The following PTBP3 variants were observed in gnomAD, a reference collection of about 807,000 sequenced individuals.
PTBP3 encodes the protein polypyrimidine tract-binding protein 3.
In PTBP3, 20 loss-of-function variants were observed where a neutral mutation model predicts 58.7. The observed-to-expected ratio is 0.34, with a 90% CI of 0.24 to 0.50. PTBP3 has a LOEUF of 0.50. Among genes scored for constraint, PTBP3 ranks in the 20% least tolerant of loss-of-function variants. The pLI, the probability that PTBP3 is intolerant of heterozygous loss-of-function variation, is 0.98. For missense variants in PTBP3, 509 were observed against 637.2 expected, an observed-to-expected ratio of 0.80 and a Z score of 2.17; for synonymous variants, 185 against 219.8, an observed-to-expected ratio of 0.84 and a Z score of 1.40.
At chr9:112,224,732 G>C (rs1334533983) in intron 12 of PTBP3, among the ~76,000 whole-genome samples, 2 of 152,144 alleles carry the variant, frequency 1.3e-5, no homozygotes, top group African/African-American at 4.8e-5. Context: ...GGTATCCTCT[G>C]TAAACACTTT....
At chr9:112,246,166 A>C (rs1356379978) in intron 7 of PTBP3, among the ~76,000 whole-genome samples, 1 of 151,772 alleles carries the variant, frequency 6.6e-6, no homozygotes, top group Non-Finnish European at 1.5e-5. Flanking sequence ...TATTTTTAGT[A>C]GAGACAGGGT....
At chr9:112,318,808 T>C (rs1193381593) in intron 1 of PTBP3, among the ~76,000 whole-genome samples, 2 of 151,236 alleles carry the variant, frequency 1.3e-5, no homozygotes, top group Non-Finnish European at 2.9e-5. Flanking sequence ...TCAATATGCT[T>C]GAAATGTCAA....
chr9:112,351,837 G>A, the PTBP3 span, among the ~76,000 whole-genome samples: 1 of 151,906 alleles, frequency 6.6e-6, no homozygotes, highest in East Asian at 1.9e-4. Flanking sequence ...GGGTTTTTTG[G>A]TTTTGTTTTT....
intron 7 of PTBP3, among the ~76,000 whole-genome samples, chr9:112,246,375 C>T (rs1434026076): frequency 6.6e-6 from 1 of 151,966 alleles, no homozygotes; most frequent in African/African-American, 2.4e-5. Flanking sequence ...ATCACAGTAA[C>T]AAATAATTTT....
At chr9:112,350,049 A>C in the PTBP3 span, among the ~76,000 whole-genome samples, 3 of 151,426 alleles carry the variant, frequency 2.0e-5, no homozygotes, top group Non-Finnish European at 4.4e-5. Context: ...TTTTTTTTTA[A>C]ATTTATGTAC....
intron 1 of PTBP3, among the ~76,000 whole-genome samples, chr9:112,321,512 G>A (rs1408631857): frequency 7.3e-6 from 1 of 137,020 alleles, no homozygotes; most frequent in Non-Finnish European, 1.5e-5. Context: ...CTGGGCAACA[G>A]AGTGAGACGT....
At position 112,272,679 on chromosome 9, in the gene PTBP3, C is replaced by G. The variant is rs556363477; in HGVS notation, c.204+3165G>C. The stretch of plus-strand genomic sequence containing the variant: ...TGATCAGCACAGGAGTTCTGACCTG[C>G]TCTGGTTCTGGTCTGGGCCGGTTCA... On this transcript the variant is annotated intron_variant, in intron 3 of 13. Coordinates refer to ENST00000374257, the MANE Select transcript of PTBP3 (RefSeq NM_001163788.4). The G allele has an allele frequency of 2.6e-5, 4 of 152,300 alleles. No individual in the cohort carries two copies. The South Asian group carries it at 8.3e-4, about 32-fold the overall frequency. 9.4% of individuals were successfully genotyped at this position (152,300 alleles called of 1,614,324 possible).
At chr9:112,345,264 A>C in the PTBP3 span, among the ~76,000 whole-genome samples, 1 of 146,634 alleles carries the variant, frequency 6.8e-6, no homozygotes, top group African/African-American at 2.5e-5. Context: ...TTGAGCCCAA[A>C]GAGTTCCAGG....
At chr9:112,324,256 A>G (rs966574153) in intron 1 of PTBP3, among the ~76,000 whole-genome samples, 3 of 152,322 alleles carry the variant, frequency 2.0e-5, no homozygotes, top group Admixed American at 2.0e-4. Flanking sequence ...AAGTTTTTTA[A>G]AAGTTCTTTA....
At chr9:112,307,957 T>C (rs1457249997) in intron 1 of PTBP3, among the ~76,000 whole-genome samples, 1 of 152,256 alleles carries the variant, frequency 6.6e-6, no homozygotes, top group East Asian at 1.9e-4. Context: ...GGTGTTTTGT[T>C]GTTGTTAGCT....
At chr9:112,351,924 C>T in the PTBP3 span, among the ~76,000 whole-genome samples, 1 of 151,150 alleles carries the variant, frequency 6.6e-6, no homozygotes, top group East Asian at 1.9e-4. Flanking sequence ...GTCCTAGAAT[C>T]AGCCATTTCT....
At chr9:112,356,199 G>T in the PTBP3 span, among the ~76,000 whole-genome samples, 1 of 151,972 alleles carries the variant, frequency 6.6e-6, no homozygotes, top group African/African-American at 2.4e-5. Context: ...GGCCAGTCTA[G>T]AACTCCTAAC....
At chr9:112,281,468 G>T (rs1827863980) in intron 2 of PTBP3, 1 of 152,104 alleles carries the variant, frequency 6.6e-6, no homozygotes, top group Non-Finnish European at 1.5e-5. Flanking sequence ...AAAAACCCCT[G>T]ATTTTAATTT....
At chr9:112,358,998 C>T in the PTBP3 span, among the ~76,000 whole-genome samples, 1 of 152,078 alleles carries the variant, frequency 6.6e-6, no homozygotes, top group Non-Finnish European at 1.5e-5. Context: ...CTATGCCTAG[C>T]TAAAATTTTT....
rs201589925 is a variant in PTBP3, at chr9:112,328,895, AGTG to A, written c.-52+4572_-52+4574del. On this transcript the variant is annotated intron_variant, in intron 1 of 13. Transcript: ENST00000374257. ...AGATGATGAACACAGATGGACCCAAAGTGGTGGAACAAATTTACATAAGTCAAT... is the reference window on the plus strand; with the variant it reads ...AGATGATGAACACAGATGGACCCAAAGTGGAACAAATTTACATAAGTCAAT... Among the ~76,000 whole-genome samples the A allele has an allele frequency of 9.6e-3, 1,463 of 152,362 alleles. 9 individuals carry two copies. Among genetic ancestry groups the A allele is most frequent in the Non-Finnish European group, 0.014 (933 of 68,030 alleles).
In PTBP3 at chr9:112,268,865, G is replaced by A. The variant is rs573244125; in HGVS notation, c.205-670C>T. ...GTGTACATCACCATTGTAAACGGAT[G>A]CTTTCAGCGGCTGTGATTTAAGTTT... On this transcript the variant is annotated intron_variant, in intron 3 of 13. Coordinates refer to ENST00000374257, the MANE Select transcript of PTBP3 (RefSeq NM_001163788.4). Among the ~76,000 whole-genome samples the A allele has an allele frequency of 5.3e-4, 81 of 152,156 alleles. 1 individual carries two copies. Among genetic ancestry groups the A allele is most frequent in the Admixed American group, 1.4e-3 (21 of 15,282 alleles).
At chr9:112,243,149 A>C (rs1835730696) in intron 7 of PTBP3, among the ~76,000 whole-genome samples, 2 of 150,686 alleles carry the variant, frequency 1.3e-5, no homozygotes, top group Admixed American at 6.6e-5. Context: ...AAAAAAAAAC[A>C]GTTTTCAGCA....
chr9:112,284,536 T>A (rs73539746), intron 2 of PTBP3, among the ~76,000 whole-genome samples: 7,422 of 152,050 alleles, frequency 0.049, 407 homozygotes, highest in African/African-American at 0.14. Flanking sequence ...AGTCTGCTAA[T>A]AGCACAAAAA....
At chr9:112,266,854 T>A (rs1836820770) in intron 4 of PTBP3, among the ~76,000 whole-genome samples, 1 of 152,234 alleles carries the variant, frequency 6.6e-6, no homozygotes, top group African/African-American at 2.4e-5. Context: ...TTGAATGGTG[T>A]ACCAAAAGCA....
Sources: allele counts gnomAD v4.1 joint callset (sites outside exome capture counted in the v4.1 genomes callset), GRCh38; gene constraint gnomAD v4.1.1; transcripts MANE v1.5; gene names NCBI Gene and HGNC (gene_info 2026-07-23, HGNC 2026-07-21).